SEPTIN5: variants seen among roughly 807,000 people sequenced by gnomAD.
SEPTIN5 encodes septin-5.
Under a neutral mutation model 51.2 loss-of-function variants are expected in SEPTIN5, and 16 were observed. The observed-to-expected ratio is 0.31, with a 90% CI of 0.21 to 0.47. The LOEUF (loss-of-function observed/expected upper bound fraction) is 0.47. Among genes scored for constraint, SEPTIN5 ranks in the 20% least tolerant of loss-of-function variants. SEPTIN5 has a pLI of 0.99. For missense variants in SEPTIN5, 376 were observed against 500.3 expected, an observed-to-expected ratio of 0.75 and a Z score of 2.37; for synonymous variants, 208 against 191.2, an observed-to-expected ratio of 1.09 and a Z score of -0.72.
In SEPTIN5 at chr22:19,718,729, G is replaced by A. The variant is rs778025172; in HGVS notation, c.55-873G>A. 25 of 1,244,824 alleles carry A rather than the reference G, an allele frequency of 2.0e-5. No individual in the cohort carries two copies. The Admixed American group carries it at 6.8e-4, about 34-fold the overall frequency. 77.1% of individuals were successfully genotyped at this position (1,244,824 alleles called of 1,614,324 possible). On this transcript the variant is annotated intron_variant, in intron 2 of 11. Transcript: ENST00000455784. Reference sequence around the variant, plus strand: ...CGAGCGTGCCCCCGGGCCTGGGGGGGTCGCCGCGATGGACTCGCTGGCAGC... The same window carrying A: ...CGAGCGTGCCCCCGGGCCTGGGGGGATCGCCGCGATGGACTCGCTGGCAGC...
rs903073401 is a variant in SEPTIN5, at chr22:19,722,876, C to T, written c.*392C>T. On this transcript the variant is annotated 3_prime_UTR_variant, in exon 12 of 12. Coordinates refer to ENST00000455784, the MANE Select transcript of SEPTIN5 (RefSeq NM_002688.6). The stretch of plus-strand genomic sequence containing the variant: ...AGTGCTGCAGAACGGACTTGGGAGC[C>T]CTCCTTTGCCTGCTCCCGCGGGTCA... 8.8e-6 allele frequency: 4 copies of T among 452,192 alleles called. No individual in the cohort carries two copies. The highest frequency in any genetic ancestry group is 3.4e-5 in the Admixed American group (1 of 29,092). 28.0% of individuals were successfully genotyped at this position (452,192 alleles called of 1,614,324 possible).
At position 19,722,553 on chromosome 22, in the gene SEPTIN5, C is replaced by A. The variant is rs1186604717; in HGVS notation, c.*69C>A. 2.0e-6 allele frequency: 3 copies of A among 1,510,214 alleles called. No homozygotes were observed. Among genetic ancestry groups the A allele is most frequent in the South Asian group, 1.2e-5 (1 of 83,308 alleles). 93.6% of individuals were successfully genotyped at this position (1,510,214 alleles called of 1,614,324 possible). A position where few individuals can be genotyped will look rare whatever the true frequency, so the allele number is the denominator to read the frequency against. On this transcript the variant is annotated 3_prime_UTR_variant, in exon 12 of 12. Transcript: ENST00000455784. Reference sequence around the variant, plus strand: ...CCCCTGGACACCAGACCGGACTGTTCCCGACCCGGAGACGCGGGGCCACAG... The same window carrying A: ...CCCCTGGACACCAGACCGGACTGTTACCGACCCGGAGACGCGGGGCCACAG...
Position 19,720,771 on chromosome 22 carries a change from C to T in SEPTIN5, c.619C>T (p.Arg207Trp). ...GATGGTCCTTGCCCCACCACAGATCCGGGAGGAGATTGACAAGTTTGGGAT... is the reference window on the plus strand; with the variant it reads ...GATGGTCCTTGCCCCACCACAGATCTGGGAGGAGATTGACAAGTTTGGGAT... ...SEIRKLKERI[R>W]EEIDKFGIHV... The change falls in exon 8 of 12, where the codon CGG becomes TGG. Residue 207 changes from arginine to tryptophan, a missense_variant. By Grantham distance (101) the Arg-to-Trp change is moderately radical (BLOSUM62 -3). Coordinates refer to ENST00000455784, the MANE Select transcript of SEPTIN5 (RefSeq NM_002688.6). 5 of 1,613,348 alleles carry T rather than the reference C, an allele frequency of 3.1e-6. No individual in the cohort carries two copies. The highest frequency in any genetic ancestry group is 4.2e-6 in the Non-Finnish European group (5 of 1,179,860).
rs1275319095 is a variant in SEPTIN5, at chr22:19,714,857, G to A, written c.54+66G>A. Reference sequence around the variant, plus strand: ...GGCTGTCACCCATTGTGACACTAGCGCCTTGGGCGCCCAGGCGCGACCCCG... The same window carrying A: ...GGCTGTCACCCATTGTGACACTAGCACCTTGGGCGCCCAGGCGCGACCCCG... On this transcript the variant is annotated intron_variant, in intron 2 of 11. Transcript: ENST00000455784. This position sits in a 1 kb window ranked among gnomAD's most constrained non-coding sequence, Gnocchi z 5.2. The A allele has an allele frequency of 1.9e-6, 3 of 1,555,562 alleles. No homozygotes were observed. The East Asian group carries it at 7.0e-5, about 37-fold the overall frequency.
rs73377941 is a variant in SEPTIN5 at position 19,718,627 on chromosome 22, C to G, written c.55-975C>G. ...TCCCGCGTCCGCAAAACGGGGTGGACAACGCAGCCTAAGGCAGAGCCGCGC... is the reference window on the plus strand; with the variant it reads ...TCCCGCGTCCGCAAAACGGGGTGGAGAACGCAGCCTAAGGCAGAGCCGCGC... On this transcript the variant is annotated intron_variant, in intron 2 of 11. Coordinates refer to ENST00000455784, the MANE Select transcript of SEPTIN5 (RefSeq NM_002688.6). The G allele has an allele frequency of 0.013, 16,188 of 1,262,410 alleles. 1,327 individuals are homozygous for G. In the African/African-American group the frequency reaches 0.2, roughly 16 times the overall value. The allele number at this position is 1,262,410 out of a possible 1,614,324, so 78.2% of individuals were successfully genotyped here. A position where few individuals can be genotyped will look rare whatever the true frequency, so the allele number is the denominator to read the frequency against.
At position 19,722,505 on chromosome 22, in the gene SEPTIN5, T is replaced by A; in HGVS notation, c.*21T>A. 6.3e-7 allele frequency: 1 copy of A among 1,578,698 alleles called. No homozygotes were observed. The highest frequency in any genetic ancestry group is 8.6e-7 in the Non-Finnish European group (1 of 1,162,518). On this transcript the variant is annotated 3_prime_UTR_variant, in exon 12 of 12. Coordinates refer to ENST00000455784, the MANE Select transcript of SEPTIN5 (RefSeq NM_002688.6). ...AGTGACGCTCGCCGCGGACACACCG[T>A]CCGTCTCCGGGACGCCCTCGCACCC...
chr22:19,722,086 C>T, intron 10 of SEPTIN5, 129 bp downstream of exon 10: 1 of 1,289,182 alleles, frequency 7.8e-7, no homozygotes, highest in South Asian at 1.4e-5. Flanking sequence ...CCCCCTCCCC[C>T]AGAGCCTGGT....
intron 2 of SEPTIN5, chr22:19,718,540 T>A: frequency 7.8e-7 from 1 of 1,283,568 alleles, no homozygotes; most frequent in Non-Finnish European, 9.9e-7. Flanking sequence ...GGGGGATGGC[T>A]CGGTCGGCCT....
intron 8 of SEPTIN5, 96 bp downstream of exon 8, chr22:19,720,965 G>A: frequency 3.8e-6 from 4 of 1,062,630 alleles, no homozygotes; most frequent in South Asian, 2.6e-5. Flanking sequence ...CTGGAGGAGG[G>A]CCAGGTCAGC....
intron 2 of SEPTIN5, among the ~76,000 whole-genome samples, chr22:19,716,230 C>T (rs913086715): frequency 6.6e-6 from 1 of 152,232 alleles, no homozygotes; most frequent in Admixed American, 6.5e-5. Context: ...GGAGCAGGAG[C>T]CAGGCCAGGT....
rs866496005 is a variant in SEPTIN5, at chr22:19,718,404, C to T, written c.55-1198C>T. On this transcript the variant is annotated intron_variant, in intron 2 of 11. Transcript: ENST00000455784. ...GTTTCCCGGCGACGGCGGGCGGGGC[C>T]GTCTCTGCCGCCCCCCGCCGCGCGC... is the stretch of plus-strand genomic sequence containing the variant. 3.4e-4 allele frequency: 358 copies of T among 1,042,386 alleles called. 1 individual carries two copies. The highest frequency in any genetic ancestry group is 8.9e-4 in the Middle Eastern group (2 of 2,246). 64.6% of individuals were successfully genotyped at this position (1,042,386 alleles called of 1,614,324 possible).
chr22:19,719,562 G>A (rs761971182), intron 2 of SEPTIN5, 40 bp from the exon 3 acceptor site: 2 of 1,543,508 alleles, frequency 1.3e-6, no homozygotes, highest in Non-Finnish European at 1.8e-6. Flanking sequence ...GGCTTCTGGA[G>A]AAACCTTTGT....
In SEPTIN5 at chr22:19,719,749, A is replaced by G. The variant is rs758456108; in HGVS notation, c.151+51A>G. The G allele has an allele frequency of 6.2e-6, 10 of 1,611,716 alleles. No individual in the cohort carries two copies. The South Asian group carries it at 9.9e-5, about 16-fold the overall frequency. On this transcript the variant is annotated intron_variant, in intron 3 of 11. Transcript: ENST00000455784. ...AGTGGCTGGGGTCACTGGCCAGCCAAGCTCTGTCGTTGGAGCCCCAGACCT... is the reference window on the plus strand; with the variant it reads ...AGTGGCTGGGGTCACTGGCCAGCCAGGCTCTGTCGTTGGAGCCCCAGACCT...
intron 2 of SEPTIN5, chr22:19,719,091 G>T (rs1203922730): frequency 1.2e-5 from 4 of 333,264 alleles, no homozygotes; most frequent in Admixed American, 4.9e-5. Flanking sequence ...GGGCGCGCGG[G>T]CGGGGGAGGC....
chr22:19,719,142 C>A (rs980908020), intron 2 of SEPTIN5: 3 of 242,226 alleles, frequency 1.2e-5, no homozygotes, highest in Non-Finnish European at 1.6e-5. Context: ...TCCGCCACCG[C>A]CGCTGCCGCC....
At position 19,722,907 on chromosome 22, in the gene SEPTIN5, C is replaced by A; in HGVS notation, c.*423C>A. On this transcript the variant is annotated 3_prime_UTR_variant, in exon 12 of 12. Coordinates refer to ENST00000455784, the MANE Select transcript of SEPTIN5 (RefSeq NM_002688.6). ...TTGCCTGCTCCCGCGGGTCACCCAGCGAGTGCTGAGACCCCATTTTCTGTC... is the reference window on the plus strand; with the variant it reads ...TTGCCTGCTCCCGCGGGTCACCCAGAGAGTGCTGAGACCCCATTTTCTGTC... 1 of 445,542 alleles carries A rather than the reference C, an allele frequency of 2.2e-6. No individual in the cohort carries two copies. The highest frequency in any genetic ancestry group is 4.2e-6 in the Non-Finnish European group (1 of 237,250). 27.6% of individuals were successfully genotyped at this position (445,542 alleles called of 1,614,324 possible).
chr22:19,722,280 C>A lies in SEPTIN5; in HGVS notation c.994C>A (p.Leu332Met). Residue 332 changes from leucine (L) to methionine (M), a missense_variant, in exon 11 of 12, where the codon CTG becomes ATG. By Grantham distance (15) the Leu-to-Met change is conservative (BLOSUM62 2). Around this residue, in one of 2 missense-constraint regions of SEPTIN5, gnomAD observed 89 missense variants for 83.3 expected, o/e 1.07. Transcript: ENST00000455784. ...CCGCATGGAGAGCCCCATCCCGATC[C>A]TGCCGCTGCCCACCCCGGACGCCGA... ...DSRMESPIPI[L>M]PLPTPDAETE... is the part of the protein sequence containing the mutation. 1 of 1,611,486 alleles carries A rather than the reference C, an allele frequency of 6.2e-7. No homozygotes were observed. Among genetic ancestry groups the A allele is most frequent in the South Asian group, 1.1e-5 (1 of 90,948 alleles).
At chr22:19,716,999 G>A (rs1386709768) in intron 2 of SEPTIN5, among the ~76,000 whole-genome samples, 1 of 152,216 alleles carries the variant, frequency 6.6e-6, no homozygotes, top group Non-Finnish European at 1.5e-5. Flanking sequence ...GGGATGCACT[G>A]GTAGAGCTGG....
intron 2 of SEPTIN5, chr22:19,718,435 G>T (rs1935950816): frequency 1.6e-5 from 17 of 1,083,548 alleles, no homozygotes; most frequent in Non-Finnish European, 1.8e-5. Context: ...CGCGCTCCGC[G>T]GGCGCCTGCG....
Sources: gnomAD v4.1 joint callset for allele counts (sites outside exome capture counted in the v4.1 genomes callset) on GRCh38, gnomAD v4.1.1 for gene constraint, gnomAD v4.1.1 regional missense constraint, Gnocchi (gnomAD v3.1) non-coding constraint, MANE v1.5 for transcripts, NCBI Gene and HGNC (gene_info 2026-07-23, HGNC 2026-07-21) for gene names.